The following WWP1 variants were observed in gnomAD, a reference collection of about 807,000 sequenced individuals.
WWP1 encodes the protein WW domain containing E3 ubiquitin protein ligase 1.
In WWP1, 49 loss-of-function variants were observed where a neutral mutation model predicts 130.6. The observed-to-expected ratio is 0.38, with a 90% CI of 0.30 to 0.48. WWP1 has a LOEUF of 0.48. Ranked by LOEUF, WWP1 falls within the 20% of genes least tolerant of loss-of-function variation. WWP1 has a pLI of 0.99. For missense variants in WWP1, 809 were observed against 1,100.6 expected (o/e 0.74, Z 3.75); for synonymous variants, 332 against 367.8 (o/e 0.90, Z 1.11).
In WWP1 at chr8:86,448,426, A is replaced by T. The variant is rs1247567502; in HGVS notation, c.2186A>T (p.Glu729Val). ...GAAATGTACTTTTCTGTTGACATGG[A>T]GATTTTGGGAAAAGTTACTTCACAT... ...GLEMYFSVDMEILGKVTSHDL... is the reference protein window; with the variant it reads ...GLEMYFSVDMVILGKVTSHDL... The change falls in exon 20 of 25, where the codon GAG becomes GTG. Residue 729 changes from glutamate to valine, a missense_variant. This residue lies in a region of WWP1 where 450 missense variants were observed against 674.2 expected (regional missense o/e 0.67). Coordinates refer to ENST00000517970, the MANE Select transcript of WWP1 (RefSeq NM_007013.4). 1.9e-6 allele frequency: 3 copies of T among 1,613,520 alleles called. No homozygotes were observed. Among genetic ancestry groups the T allele is most frequent in the Non-Finnish European group, 2.5e-6 (3 of 1,179,898 alleles).
intron 5 of WWP1, among the ~76,000 whole-genome samples, chr8:86,395,108 C>T (rs1244572155): frequency 1.3e-5 from 2 of 152,054 alleles, no homozygotes; most frequent in African/African-American, 2.4e-5. Context: ...CACTCTTGGG[C>T]GTACCATCAA....
Position 86,406,966 on chromosome 8 carries a change from A to G in WWP1, c.725-4572A>G, listed in dbSNP as rs372090884. On this transcript the variant is annotated intron_variant, in intron 8 of 24. Coordinates refer to ENST00000517970, the MANE Select transcript of WWP1 (RefSeq NM_007013.4). ...GAGGACAAATACGTGGTGCTTTGAG[A>G]TGGATATACCATAAAGTTCATGTGA... Among the ~76,000 whole-genome samples, 6 of 152,246 alleles carry G rather than the reference A, an allele frequency of 3.9e-5. No individual in the cohort carries two copies. In the East Asian group the frequency reaches 5.8e-4, roughly 15 times the overall value.
At chr8:86,385,319 G>A (rs888088455) in intron 5 of WWP1, among the ~76,000 whole-genome samples, 8 of 152,116 alleles carry the variant, frequency 5.3e-5, no homozygotes, top group African/African-American at 1.9e-4. Flanking sequence ...GCAGAGGATA[G>A]ATTTTTAAGG....
chr8:86,441,790 GC>G (rs1810605567), intron 17 of WWP1, among the ~76,000 whole-genome samples: 1 of 152,184 alleles, frequency 6.6e-6, no homozygotes, highest in African/African-American at 2.4e-5. Context: ...GAGAATGTGA[GC>G]CCCATCTAGA....
At chr8:86,389,755 A>C (rs1586328181) in intron 5 of WWP1, among the ~76,000 whole-genome samples, 15 of 116,674 alleles carry the variant, frequency 1.3e-4, no homozygotes, top group African/African-American at 1.9e-4. Flanking sequence ...CCCCCCACCC[A>C]CCTCCCGGAT....
chr8:86,444,185 C>T lies in WWP1; in HGVS notation c.1998+1407C>T, dbSNP rs552930857. On this transcript the variant is annotated intron_variant, in intron 18 of 24. Transcript: ENST00000517970. ...AGTGATTTGGATTCTGGGTATATTG[C>T]GAAGTTAGAACTAACAGTTTTCTGA... Among the ~76,000 whole-genome samples the T allele has an allele frequency of 1.5e-4, 23 of 152,156 alleles. No individual in the cohort carries two copies. In the South Asian group the frequency reaches 3.3e-3, roughly 22 times the overall value.
intron 16 of WWP1, 66 bp from the exon 17 acceptor site, chr8:86,438,519 A>G (rs750078692): frequency 3.6e-4 from 431 of 1,192,272 alleles, no homozygotes; most frequent in Admixed American, 1.0e-3. Context: ...ATTAAATTTA[A>G]ATTGTTTTGA....
chr8:86,343,565 T>A (rs987742899), intron 1 of WWP1, among the ~76,000 whole-genome samples: 3 of 152,040 alleles, frequency 2.0e-5, no homozygotes, highest in Non-Finnish European at 4.4e-5. Flanking sequence ...TTTAAAAAAA[T>A]TTAATTTTGT....
chr8:86,371,040 A>ATT (rs34031275), intron 2 of WWP1, among the ~76,000 whole-genome samples: 46 of 96,928 alleles, frequency 4.7e-4, no homozygotes, highest in African/African-American at 1.2e-3. Context: ...TAATTTTTGT[A>ATT]TTTTTTTTTT....
At chr8:86,459,122 C>T (rs1033541990) in intron 22 of WWP1, among the ~76,000 whole-genome samples, 1 of 147,608 alleles carries the variant, frequency 6.8e-6, no homozygotes, top group African/African-American at 2.5e-5. Flanking sequence ...CTCTGCCTCC[C>T]AGGTTCAAGT....
chr8:86,411,763 A>T lies in WWP1; in HGVS notation c.950A>T (p.Asn317Ile). ...AGTATATTAGAGCCTGACACCTCTA[A>T]TTCTAGAAGTAGTTCTGCTTTTGAA... ...ARSILEPDTSNSRSSSAFEAA... is the reference protein window; with the variant it reads ...ARSILEPDTSISRSSSAFEAA... The change falls in exon 9 of 25, where the codon AAT (asparagine) becomes ATT (isoleucine). Residue 317 changes from asparagine (N) to isoleucine (I), a missense_variant. Asn to Ile is a moderately radical substitution (Grantham distance 149). This residue lies in a region of WWP1 where 97 missense variants were observed against 80.4 expected (regional missense o/e 1.21). Coordinates refer to ENST00000517970, the MANE Select transcript of WWP1 (RefSeq NM_007013.4). The T allele has an allele frequency of 6.2e-7, 1 of 1,614,188 alleles. No homozygotes were observed. The highest frequency in any genetic ancestry group is 8.5e-7 in the Non-Finnish European group (1 of 1,180,024).
In WWP1 at chr8:86,467,098, A is replaced by C; in HGVS notation, c.*205A>C. ...TGTTCCCTTGAAATGACTGACCAGG[A>C]AAAAGATCATCCTTAAATTTTGAAG... On this transcript the variant is annotated 3_prime_UTR_variant, in exon 25 of 25. Coordinates refer to ENST00000517970, the MANE Select transcript of WWP1 (RefSeq NM_007013.4). 2.3e-6 allele frequency: 1 copy of C among 437,440 alleles called. No homozygotes were observed. The highest frequency in any genetic ancestry group is 4.0e-6 in the Non-Finnish European group (1 of 249,618). 27.1% of individuals were successfully genotyped at this position (437,440 alleles called of 1,614,324 possible).
At chr8:86,425,002 G>C (rs1429288284) in intron 9 of WWP1, among the ~76,000 whole-genome samples, 1 of 151,954 alleles carries the variant, frequency 6.6e-6, no homozygotes, top group Admixed American at 6.6e-5. Context: ...TTCCAATACT[G>C]TAATAAAAAG....
At chr8:86,462,815 A>C (rs1811837636) in intron 24 of WWP1, among the ~76,000 whole-genome samples, 1 of 152,158 alleles carries the variant, frequency 6.6e-6, no homozygotes, top group Admixed American at 6.5e-5. Context: ...GCCTTAGCAC[A>C]AATCAAGGCA....
At chr8:86,425,479 A>G (rs1809566823) in intron 10 of WWP1, among the ~76,000 whole-genome samples, 161 bp downstream of exon 10, 2 of 152,196 alleles carry the variant, frequency 1.3e-5, no homozygotes, top group Non-Finnish European at 2.9e-5. Flanking sequence ...GAGATTAGAT[A>G]ATCTGTAGGG....
Position 86,431,727 on chromosome 8 carries a change from A to G in WWP1, c.1585A>G (p.Asn529Asp). ...TRTTTFKDPR[N>D]GKSSVTKGGP... ...AACAACAACATTCAAAGATCCTCGC[A>G]ATGGGAAGTCATCTGTGTGAGTGAA... Residue 529 changes from asparagine (N) to aspartate (D), a missense_variant, in exon 14 of 25, where the codon AAT becomes GAT. Asn to Asp is a conservative substitution (Grantham distance 23, BLOSUM62 1). This residue lies in a region of WWP1 where 450 missense variants were observed against 674.2 expected (regional missense o/e 0.67). Coordinates refer to ENST00000517970, the MANE Select transcript of WWP1 (RefSeq NM_007013.4). The G allele has an allele frequency of 6.2e-7, 1 of 1,613,872 alleles. No homozygotes were observed. The highest frequency in any genetic ancestry group is 8.5e-7 in the Non-Finnish European group (1 of 1,179,880).
At chr8:86,396,650 A>G (rs908221987) in intron 5 of WWP1, among the ~76,000 whole-genome samples, 9 of 151,346 alleles carry the variant, frequency 5.9e-5, no homozygotes, top group African/African-American at 1.5e-4. Flanking sequence ...CTCGAGTACA[A>G]TAGTGCAATC....
At chr8:86,436,849 C>A (rs1453615277) in intron 16 of WWP1, among the ~76,000 whole-genome samples, 1 of 151,978 alleles carries the variant, frequency 6.6e-6, no homozygotes, top group East Asian at 1.9e-4. Context: ...TTTGTACAAG[C>A]CAAAATGGAG....
chr8:86,381,732 G>T lies in WWP1; in HGVS notation c.334+103G>T, dbSNP rs142752321. 4.1e-3 allele frequency: 4,755 copies of T among 1,173,108 alleles called. 11 individuals are homozygous for T. Among genetic ancestry groups the T allele is most frequent in the Middle Eastern group, 6.1e-3 (28 of 4,588 alleles). The allele number at this position is 1,173,108 out of a possible 1,614,324, so 72.7% of individuals were successfully genotyped here. On this transcript the variant is annotated intron_variant, in intron 5 of 24. Transcript: ENST00000517970. Reference sequence around the variant, plus strand: ...AAAAACATAGTTTTGTATCCATAAAGAACTTCAGTTATTGCTTGTGATTGA... The same window carrying T: ...AAAAACATAGTTTTGTATCCATAAATAACTTCAGTTATTGCTTGTGATTGA...
Sources: allele counts gnomAD v4.1 joint callset (sites outside exome capture counted in the v4.1 genomes callset), GRCh38; gene constraint gnomAD v4.1.1; regional missense constraint gnomAD v4.1.1; transcripts MANE v1.5; gene names NCBI Gene and HGNC (gene_info 2026-07-23, HGNC 2026-07-21).